The following SLC12A2 variants were observed in gnomAD, a reference collection of about 807,000 sequenced individuals.
SLC12A2 encodes the protein solute carrier family 12 member 2, also known as Na-K-2Cl cotransporter 1.
Under a neutral mutation model 136.3 loss-of-function variants are expected in SLC12A2, and 67 were observed. That is an observed-to-expected ratio of 0.49 (90% confidence interval 0.40 to 0.60). The LOEUF is 0.60. Ranked by LOEUF, SLC12A2 falls within the 20% of genes least tolerant of loss-of-function variation. SLC12A2 has a pLI of 0.00. For synonymous variants in SLC12A2, 619 were observed against 562.9 expected (o/e 1.10, Z -1.41); for missense variants, 1,322 against 1,534.7 (o/e 0.86, Z 2.32).
At chr5:128,122,340 C>G (rs1171249132) in intron 4 of SLC12A2, among the ~76,000 whole-genome samples, 1 of 152,114 alleles carries the variant, frequency 6.6e-6, no homozygotes, top group Non-Finnish European at 1.5e-5. Context: ...GGGTTTTTAA[C>G]AGTGAAAGAC....
intron 10 of SLC12A2, among the ~76,000 whole-genome samples, chr5:128,146,779 A>G (rs1011438248): frequency 2.0e-5 from 3 of 151,738 alleles, no homozygotes; most frequent in South Asian, 4.1e-4. Flanking sequence ...GTTAGAAAAA[A>G]ATAACCACAA....
At chr5:128,147,559 A>G in intron 10 of SLC12A2, 63 bp from the exon 11 acceptor site, 1 of 1,020,544 alleles carries the variant, frequency 9.8e-7, no homozygotes, top group Non-Finnish European at 1.5e-6. Context: ...ACCACATAAT[A>G]TTGTGTTATT....
chr5:128,130,008 T>G (rs1287047766), intron 4 of SLC12A2, among the ~76,000 whole-genome samples: 1 of 152,022 alleles, frequency 6.6e-6, no homozygotes, highest in Non-Finnish European at 1.5e-5. Context: ...CTCTTTGGAA[T>G]ACCATTATAT....
intron 1 of SLC12A2, among the ~76,000 whole-genome samples, chr5:128,088,841 C>T (rs533588695): frequency 3.3e-5 from 5 of 152,246 alleles, no homozygotes; most frequent in African/African-American, 1.2e-4. Flanking sequence ...AGGTCTTATA[C>T]ACATTTTACT....
intron 16 of SLC12A2, 29 bp downstream of exon 16, chr5:128,158,193 A>C (rs1299373394): frequency 1.3e-6 from 2 of 1,542,962 alleles, no homozygotes; most frequent in South Asian, 2.3e-5. Context: ...TTCTTTTTCA[A>C]GTTTTTTTTT....
chr5:128,128,386 G>T (rs1761895391), intron 4 of SLC12A2, among the ~76,000 whole-genome samples: 1 of 152,082 alleles, frequency 6.6e-6, no homozygotes, highest in Admixed American at 6.5e-5. Context: ...GTTCTTTACA[G>T]TCAGAGTTTA....
chr5:128,136,442 C>A (rs1158983587), intron 7 of SLC12A2, among the ~76,000 whole-genome samples: 1 of 152,072 alleles, frequency 6.6e-6, no homozygotes, highest in Non-Finnish European at 1.5e-5. Flanking sequence ...TGTGAAGTTG[C>A]TGTTTTTTTC....
chr5:128,115,590 G>A (rs952900786), intron 4 of SLC12A2, among the ~76,000 whole-genome samples: 1 of 152,118 alleles, frequency 6.6e-6, no homozygotes, highest in Non-Finnish European at 1.5e-5. Flanking sequence ...AAGAAGAAAA[G>A]AATTCCATTT....
chr5:128,093,952 C>T (rs1006612700), intron 1 of SLC12A2, among the ~76,000 whole-genome samples: 1 of 152,132 alleles, frequency 6.6e-6, no homozygotes, highest in African/African-American at 2.4e-5. Flanking sequence ...TCTTTGGTCA[C>T]GTGGCCTTTG....
chr5:128,165,492 C>G (rs1763172963), intron 17 of SLC12A2, among the ~76,000 whole-genome samples: 1 of 152,138 alleles, frequency 6.6e-6, no homozygotes, highest in Non-Finnish European at 1.5e-5. Flanking sequence ...ATTATGTAAT[C>G]CATGAAGAAC....
rs892840142 is a variant in SLC12A2, at chr5:128,188,168, T to C, written c.*1537T>C. The C allele has an allele frequency of 2.0e-5, 3 of 152,120 alleles. No individual in the cohort carries two copies. The highest frequency in any genetic ancestry group is 7.2e-5 in the African/African-American group (3 of 41,438). The allele number at this position is 152,120 out of a possible 1,614,324, so 9.4% of individuals were successfully genotyped here. ...AACAAAGGTGATCATTTGAAGGGCA[T>C]GCTGTAATTTCACACAATTTTCCAG... is the stretch of plus-strand genomic sequence containing the variant. On this transcript the variant is annotated 3_prime_UTR_variant, in exon 27 of 27. Coordinates refer to ENST00000262461, the MANE Select transcript of SLC12A2 (RefSeq NM_001046.3).
In SLC12A2 at chr5:128,134,984, G is replaced by A. The variant is rs146667672; in HGVS notation, c.1299+709G>A. Among the ~76,000 whole-genome samples, 263 of 152,132 alleles carry A rather than the reference G, an allele frequency of 1.7e-3. 2 individuals are homozygous for A. Among genetic ancestry groups the A allele is most frequent in the African/African-American group, 5.9e-3 (246 of 41,542 alleles). On this transcript the variant is annotated intron_variant, in intron 6 of 26. Transcript: ENST00000262461. ...TTCTTTATTGTAAAGTCATATTAGT[G>A]TAAAATTAAATCATTTATTTACACA... is the stretch of plus-strand genomic sequence containing the variant.
At chr5:128,147,518 G>T (rs1762565584) in intron 10 of SLC12A2, 104 bp from the exon 11 acceptor site, 2 of 646,312 alleles carry the variant, frequency 3.1e-6, no homozygotes, top group South Asian at 2.0e-5. Flanking sequence ...ATTATAAAAT[G>T]ATCCCTAGTG....
intron 1 of SLC12A2, chr5:128,109,761 A>G: frequency 2.2e-6 from 2 of 895,972 alleles, no homozygotes. Flanking sequence ...GACTAAAAGG[A>G]TGGGTCCTTC....
intron 2 of SLC12A2, among the ~76,000 whole-genome samples, chr5:128,113,921 C>T (rs1307220342): frequency 6.6e-6 from 1 of 152,064 alleles, no homozygotes; most frequent in African/African-American, 2.4e-5. Flanking sequence ...AAAAATATAT[C>T]TTGTATCTTT....
In SLC12A2 at chr5:128,148,808, G is replaced by A; in HGVS notation, c.1936G>A (p.Gly646Arg). 6.2e-7 allele frequency: 1 copy of A among 1,608,170 alleles called. No homozygotes were observed. Among genetic ancestry groups the A allele is most frequent in the Non-Finnish European group, 8.5e-7 (1 of 1,176,814 alleles). The stretch of plus-strand genomic sequence containing the variant: ...TTTCCAGATGTTTGCTAAAGGTTAT[G>A]GGAAAAATAATGAACCTCTTCGTGG... Reference protein sequence around the residue: ...PAFQMFAKGYGKNNEPLRGYI... With the variant: ...PAFQMFAKGYRKNNEPLRGYI... Residue 646 changes from glycine to arginine, a missense_variant, in exon 12 of 27, where the codon GGG (glycine) becomes AGG (arginine). Around this residue, in one of 8 missense-constraint regions of SLC12A2, gnomAD observed 294 missense variants for 436.6 expected, o/e 0.67. Transcript: ENST00000262461.
chr5:128,104,452 G>T (rs541056294), intron 1 of SLC12A2, among the ~76,000 whole-genome samples: 82 of 152,096 alleles, frequency 5.4e-4, no homozygotes, highest in Middle Eastern at 6.8e-3. Context: ...AGGCCAACAT[G>T]GTGAAACCTG....
At chr5:128,128,231 G>A (rs1002070306) in intron 4 of SLC12A2, among the ~76,000 whole-genome samples, 1 of 152,026 alleles carries the variant, frequency 6.6e-6, no homozygotes, top group African/African-American at 2.4e-5. Flanking sequence ...TTTAATGTTA[G>A]GCTTTTGATT....
At chr5:128,142,082 AG>A in intron 10 of SLC12A2, 101 bp downstream of exon 10, 1 of 980,616 alleles carries the variant, frequency 1.0e-6, no homozygotes, top group Non-Finnish European at 1.5e-6. Flanking sequence ...CATAGAAGGG[AG>A]GACAGTTGTT....
Sources: gnomAD v4.1 joint callset for allele counts (sites outside exome capture counted in the v4.1 genomes callset) on GRCh38, gnomAD v4.1.1 for gene constraint, gnomAD v4.1.1 regional missense constraint, MANE v1.5 for transcripts, NCBI Gene and HGNC (gene_info 2026-07-23, HGNC 2026-07-21) for gene names.